The following GLIS3 variants were observed in gnomAD, a reference collection of about 807,000 sequenced individuals.
GLIS3 encodes GLIS family zinc finger 3, also known as zinc finger protein GLIS3.
In GLIS3, 53 loss-of-function variants were observed where a neutral mutation model predicts 78.6. The ratio of observed to expected loss-of-function variants is 0.67; its 90% CI spans 0.54 to 0.85. GLIS3 has a LOEUF of 0.85. Ranked by LOEUF, GLIS3 falls within the 40% of genes least tolerant of loss-of-function variation. GLIS3 has a pLI of 0.00. For missense variants in GLIS3, 1,703 were observed against 1,231.1 expected (o/e 1.38, Z -5.74); for synonymous variants, 684 against 509.9 (o/e 1.34, Z -4.60).
intron 4 of GLIS3, among the ~76,000 whole-genome samples, chr9:3,950,906 G>C (rs1437200176): frequency 6.6e-6 from 1 of 152,044 alleles, no homozygotes; most frequent in Non-Finnish European, 1.5e-5. Context: ...TATGCTTCTA[G>C]GGCTTAAAAT....
chr9:3,928,756 C>T (rs1248975503), intron 6 of GLIS3, among the ~76,000 whole-genome samples: 2 of 152,128 alleles, frequency 1.3e-5, no homozygotes, highest in Non-Finnish European at 2.9e-5. Flanking sequence ...TTTGAGGTCA[C>T]AAAAGTGAAA....
intron 2 of GLIS3, among the ~76,000 whole-genome samples, chr9:4,135,013 T>G (rs1554711640): frequency 1.3e-5 from 2 of 151,724 alleles, no homozygotes; most frequent in Non-Finnish European, 2.9e-5. Flanking sequence ...TTCCAACACA[T>G]CCTCTATCAG....
the GLIS3 span, among the ~76,000 whole-genome samples, chr9:4,458,390 G>C: frequency 6.6e-6 from 1 of 152,122 alleles, no homozygotes; most frequent in African/African-American, 2.4e-5. Flanking sequence ...CAAATAACAT[G>C]CCAGGTAGTG....
chr9:4,449,999 G>C, the GLIS3 span, among the ~76,000 whole-genome samples: 3 of 152,148 alleles, frequency 2.0e-5, no homozygotes, highest in Non-Finnish European at 4.4e-5. Context: ...GAATGACTTT[G>C]ATTAGCTGAC....
At position 3,889,192 on chromosome 9, in the gene GLIS3, C is replaced by G. The variant is rs117864619; in HGVS notation, c.2128+9499G>C. The stretch of plus-strand genomic sequence containing the variant: ...ACCTCATAACTAGAATGGAGCCCCA[C>G]CTGTCCTGAGGCAGTTTCTTCCTAA... On this transcript the variant is annotated intron_variant, in intron 7 of 10. Coordinates refer to ENST00000381971, the MANE Select transcript of GLIS3 (RefSeq NM_001042413.2). Among the ~76,000 whole-genome samples, 1,434 of 152,318 alleles carry G rather than the reference C, an allele frequency of 9.4e-3. 7 individuals are homozygous for G. Among genetic ancestry groups the G allele is most frequent in the Middle Eastern group, 0.017 (5 of 294 alleles).
rs1817622324 is a variant in GLIS3 at position 3,824,515 on chromosome 9, C to A, written c.*3757G>T. 1 of 152,140 alleles carries A rather than the reference C, an allele frequency of 6.6e-6. No homozygotes were observed. Among genetic ancestry groups the A allele is most frequent in the Non-Finnish European group, 1.5e-5 (1 of 68,014 alleles). The allele number at this position is 152,140 out of a possible 1,614,324, so 9.4% of individuals were successfully genotyped here. On this transcript the variant is annotated 3_prime_UTR_variant, in exon 11 of 11. Coordinates refer to ENST00000381971, the MANE Select transcript of GLIS3 (RefSeq NM_001042413.2). ...TTTATTCTGTACCAAGTGCACAATC[C>A]CTTCATTTTACTTTTGACATAAAAA...
chr9:3,983,334 C>T lies in GLIS3; in HGVS notation c.1711-46145G>A, dbSNP rs535759935. On this transcript the variant is annotated intron_variant, in intron 4 of 10. Coordinates refer to ENST00000381971, the MANE Select transcript of GLIS3 (RefSeq NM_001042413.2). ...GAACTGTAAGTCCATTAAACCTCTT[C>T]TGTAAATTGCCCAGTCTCTGATATG... Among the ~76,000 whole-genome samples, 310 of 152,244 alleles carry T rather than the reference C, an allele frequency of 2.0e-3. 2 individuals are homozygous for T. The highest frequency in any genetic ancestry group is 3.6e-3 in the Non-Finnish European group (247 of 68,018).
chr9:4,220,722 C>A (rs563578945), intron 2 of GLIS3, among the ~76,000 whole-genome samples: 1 of 151,204 alleles, frequency 6.6e-6, no homozygotes, highest in African/African-American at 2.4e-5. Flanking sequence ...TAAGTGAGAC[C>A]CCATTTCAAA....
intron 2 of GLIS3, among the ~76,000 whole-genome samples, chr9:4,327,971 A>G (rs796151778): frequency 1.3e-4 from 20 of 148,864 alleles, no homozygotes; most frequent in African/African-American, 4.8e-4. Flanking sequence ...GGGAAAAAGG[A>G]AAGTAGGAAG....
At chr9:3,934,583 AT>A (rs1825792039) in intron 5 of GLIS3, among the ~76,000 whole-genome samples, 2 of 152,094 alleles carry the variant, frequency 1.3e-5, no homozygotes, top group East Asian at 3.9e-4. Flanking sequence ...CTGATTTTGT[AT>A]TTTTAGTAGA....
chr9:4,258,284 G>C (rs1214969924), intron 2 of GLIS3, among the ~76,000 whole-genome samples: 1 of 152,076 alleles, frequency 6.6e-6, no homozygotes, highest in African/African-American at 2.4e-5. Context: ...ATAAAGAATA[G>C]TGAAATCTGA....
chr9:4,454,150 T>TAAA, the GLIS3 span, among the ~76,000 whole-genome samples: 23 of 128,632 alleles, frequency 1.8e-4, no homozygotes, highest in Non-Finnish European at 2.5e-4. Flanking sequence ...TATATGATGA[T>TAAA]AAAAAAAAAA....
intron 4 of GLIS3, among the ~76,000 whole-genome samples, chr9:3,939,229 G>C (rs1024542791): frequency 6.6e-6 from 1 of 152,194 alleles, no homozygotes; most frequent in Non-Finnish European, 1.5e-5. Context: ...GCACCAGGAT[G>C]AGAGCGGAGA....
chr9:3,858,627 A>T (rs980970376), intron 8 of GLIS3, among the ~76,000 whole-genome samples: 1 of 152,176 alleles, frequency 6.6e-6, no homozygotes, highest in East Asian at 1.9e-4. Context: ...ATGACACCCC[A>T]TATAAAGTAT....
At chr9:4,182,723 G>A (rs73643715) in intron 2 of GLIS3, among the ~76,000 whole-genome samples, 1,825 of 152,234 alleles carry the variant, frequency 0.012, 32 homozygotes, top group African/African-American at 0.042. Flanking sequence ...GATCATTGGC[G>A]ACTATCTTGG....
intron 5 of GLIS3, among the ~76,000 whole-genome samples, chr9:3,935,535 C>G (rs537889219): frequency 6.6e-6 from 1 of 152,214 alleles, no homozygotes; most frequent in African/African-American, 2.4e-5. Context: ...AACCATAACA[C>G]TTAGCCTCGC....
At chr9:3,856,257 A>G in intron 8 of GLIS3, 73 bp from the exon 9 acceptor site, 1 of 1,337,988 alleles carries the variant, frequency 7.5e-7, no homozygotes, top group South Asian at 1.2e-5. Flanking sequence ...CTCCAAAGCC[A>G]AATTCTCACC....
At chr9:3,845,169 TTCA>T (rs1818953586) in intron 9 of GLIS3, among the ~76,000 whole-genome samples, 1 of 152,122 alleles carries the variant, frequency 6.6e-6, no homozygotes, top group Admixed American at 6.6e-5. Flanking sequence ...GAAAAAAATG[TTCA>T]TCAATAAGGG....
rs200644293 is a variant in GLIS3, at chr9:3,829,492, C to T, written c.2474G>A (p.Gly825Glu). Reference protein sequence around the residue: ...SFQPNGIHVHGFYGQLQKFCP... With the variant: ...SFQPNGIHVHEFYGQLQKFCP... ...GAACTTCTGCAGCTGCCCATAAAAT[C>T]CTGAAACGCAAGCATGGCATTGAGC... is the stretch of plus-strand genomic sequence containing the variant. Residue 825 changes from glycine to glutamate, a missense_variant and splice_region_variant, in exon 10 of 11, where the codon GGA (glycine) becomes GAA (glutamate). By Grantham distance (98) the Gly-to-Glu change is moderately conservative (BLOSUM62 -2). Transcript: ENST00000381971. 2 of 1,614,016 alleles carry T rather than the reference C, an allele frequency of 1.2e-6. No individual in the cohort carries two copies. Among genetic ancestry groups the T allele is most frequent in the Non-Finnish European group, 8.5e-7 (1 of 1,179,980 alleles).
Sources: gnomAD v4.1 joint callset for allele counts (sites outside exome capture counted in the v4.1 genomes callset) on GRCh38, gnomAD v4.1.1 for gene constraint, MANE v1.5 for transcripts, NCBI Gene and HGNC (gene_info 2026-07-23, HGNC 2026-07-21) for gene names.